Variants in FSHR observed in about 807,000 individuals in gnomAD.
The protein encoded by FSHR is follicle-stimulating hormone receptor.
FSHR carries 46 observed loss-of-function variants against 52.1 expected under a neutral mutation model. The observed-to-expected ratio is 0.88, with a 90% CI of 0.70 to 1.13. FSHR has a LOEUF of 1.13. Ranked by LOEUF, FSHR falls within the 50% of genes most tolerant of loss-of-function variation. The pLI is 0.00. For synonymous variants in FSHR, 399 were observed against 309.6 expected (o/e 1.29, Z -3.03); for missense variants, 964 against 834.6 (o/e 1.16, Z -1.91).
chr2:49,130,895 T>C (rs1447041099), intron 1 of FSHR, among the ~76,000 whole-genome samples: 1 of 152,168 alleles, frequency 6.6e-6, no homozygotes, highest in Admixed American at 6.6e-5. Flanking sequence ...GGGGCTGTTA[T>C]AGAGTTCAAA....
Position 48,962,316 on chromosome 2 carries a change from T to C in FSHR, c.*417A>G. The C allele has an allele frequency of 4.4e-6, 1 of 227,696 alleles. No homozygotes were observed. The highest frequency in any genetic ancestry group is 8.8e-6 in the Non-Finnish European group (1 of 114,232). 14.1% of individuals were successfully genotyped at this position (227,696 alleles called of 1,614,324 possible). A position where few individuals can be genotyped will look rare whatever the true frequency, so the allele number is the denominator to read the frequency against. On this transcript the variant is annotated 3_prime_UTR_variant, in exon 10 of 10. Coordinates refer to ENST00000406846, the MANE Select transcript of FSHR (RefSeq NM_000145.4). ...GAAATTCTCTGGGAGTCGGAATACC[T>C]AATCCTGGCTCTGCCTCTTACAAAC...
At chr2:49,059,415 G>GAAA (rs111343726) in intron 2 of FSHR, among the ~76,000 whole-genome samples, 7 of 146,774 alleles carry the variant, frequency 4.8e-5, no homozygotes, top group Admixed American at 2.0e-4. Context: ...GGTACTGGGG[G>GAAA]AAAAAAAAAA....
In FSHR at chr2:49,112,279, AT is replaced by A. The variant is rs562421477; in HGVS notation, c.152+41986del. On this transcript the variant is annotated intron_variant, in intron 1 of 9. Transcript: ENST00000406846. ...AGTGAAGTTGTGTAAGGGAAATGCC[AT>A]TTTTTTCCCTAGTAGAATACACAAA... Among the ~76,000 whole-genome samples, 136 of 152,214 alleles carry A rather than the reference AT, an allele frequency of 8.9e-4. No individual in the cohort carries two copies. In the South Asian group the frequency reaches 0.016, roughly 18 times the overall value.
At chr2:49,010,353 C>T (rs1667224223) in intron 4 of FSHR, among the ~76,000 whole-genome samples, 1 of 150,136 alleles carries the variant, frequency 6.7e-6, no homozygotes, top group African/African-American at 2.4e-5. Flanking sequence ...TATATTGAAC[C>T]AGCCTTGCAT....
chr2:49,074,720 C>G (rs974257329), intron 1 of FSHR, among the ~76,000 whole-genome samples: 1 of 152,162 alleles, frequency 6.6e-6, no homozygotes, highest in African/African-American at 2.4e-5. Context: ...GACATCTACA[C>G]TTCCATGTTT....
intron 1 of FSHR, among the ~76,000 whole-genome samples, chr2:49,088,164 A>G (rs1188517061): frequency 6.6e-6 from 1 of 152,216 alleles, no homozygotes; most frequent in Non-Finnish European, 1.5e-5. Context: ...CCCAAAGCCC[A>G]TGCGCACAAG....
chr2:48,995,593 C>T (rs1401109543), intron 4 of FSHR, among the ~76,000 whole-genome samples: 4 of 152,006 alleles, frequency 2.6e-5, no homozygotes, highest in African/African-American at 9.7e-5. Flanking sequence ...GTGTTAATTC[C>T]CCACTTATGG....
intron 1 of FSHR, among the ~76,000 whole-genome samples, chr2:49,091,955 A>G (rs890365194): frequency 6.6e-6 from 1 of 152,180 alleles, no homozygotes; most frequent in Non-Finnish European, 1.5e-5. Flanking sequence ...TAACCTACAG[A>G]TCAGTTTGAG....
intron 9 of FSHR, among the ~76,000 whole-genome samples, chr2:48,967,429 G>T (rs959773762): frequency 6.6e-6 from 1 of 152,118 alleles, no homozygotes; most frequent in Non-Finnish European, 1.5e-5. Context: ...CTCCTTTGGG[G>T]TATTCAGTCC....
chr2:49,114,074 C>G lies in FSHR; in HGVS notation c.152+40192G>C, dbSNP rs148695715. Among the ~76,000 whole-genome samples, 62 of 152,262 alleles carry G rather than the reference C, an allele frequency of 4.1e-4. 1 individual carries two copies. The highest frequency in any genetic ancestry group is 1.5e-3 in the African/African-American group (61 of 41,562). ...CTGGCAGGATGGTTATACTCCCAGCCTCTCTCACTGAAGACTTGCTTCCCA... is the reference window on the plus strand; with the variant it reads ...CTGGCAGGATGGTTATACTCCCAGCGTCTCTCACTGAAGACTTGCTTCCCA... On this transcript the variant is annotated intron_variant, in intron 1 of 9. Coordinates refer to ENST00000406846, the MANE Select transcript of FSHR (RefSeq NM_000145.4).
chr2:48,981,717 C>T (rs551361235), intron 8 of FSHR, among the ~76,000 whole-genome samples: 1 of 152,150 alleles, frequency 6.6e-6, no homozygotes, highest in South Asian at 2.1e-4. Context: ...AAAATTCTGA[C>T]TCTCCATACC....
intron 4 of FSHR, among the ~76,000 whole-genome samples, chr2:48,998,373 T>C (rs972898375): frequency 3.9e-5 from 6 of 152,136 alleles, no homozygotes; most frequent in Non-Finnish European, 5.9e-5. Flanking sequence ...GTGATGTATG[T>C]CATTATATAT....
intron 2 of FSHR, among the ~76,000 whole-genome samples, chr2:49,043,862 TA>T: frequency 6.6e-6 from 1 of 152,308 alleles, no homozygotes; most frequent in East Asian, 1.9e-4. Context: ...GTTTCATTAA[TA>T]TCCGCCACTC....
chr2:49,036,509 C>G (rs1403630538), intron 2 of FSHR, among the ~76,000 whole-genome samples: 1 of 149,840 alleles, frequency 6.7e-6, no homozygotes, highest in Non-Finnish European at 1.5e-5. Context: ...ATATCTATAT[C>G]TATATCTATA....
chr2:48,980,513 G>A (rs528280200), intron 8 of FSHR, among the ~76,000 whole-genome samples: 17 of 152,198 alleles, frequency 1.1e-4, no homozygotes, highest in Admixed American at 4.6e-4. Context: ...CAGTATCTTC[G>A]CCTGGAATCT....
chr2:48,994,656 C>T (rs1401501319), intron 4 of FSHR, among the ~76,000 whole-genome samples: 1 of 152,006 alleles, frequency 6.6e-6, no homozygotes, highest in Non-Finnish European at 1.5e-5. Flanking sequence ...AGTGGGTAAT[C>T]AGCTAGGAAC....
chr2:49,127,192 G>T (rs1182071843), intron 1 of FSHR, among the ~76,000 whole-genome samples: 2 of 152,056 alleles, frequency 1.3e-5, no homozygotes, highest in Admixed American at 1.3e-4. Context: ...GCTGGGCGTG[G>T]TGGTGTGCAC....
chr2:49,095,506 C>A (rs553940426), intron 1 of FSHR, among the ~76,000 whole-genome samples: 1 of 152,114 alleles, frequency 6.6e-6, no homozygotes, highest in Non-Finnish European at 1.5e-5. Context: ...ATTGTAAGAG[C>A]TAAAACTATA....
intron 1 of FSHR, among the ~76,000 whole-genome samples, chr2:49,126,618 G>A (rs142265345): frequency 1.3e-4 from 20 of 152,268 alleles, no homozygotes; most frequent in Non-Finnish European, 2.2e-4. Flanking sequence ...GTAATTTTCA[G>A]GGCTCAAGTT....
Sources: allele counts gnomAD v4.1 joint callset (sites outside exome capture counted in the v4.1 genomes callset), GRCh38; gene constraint gnomAD v4.1.1; transcripts MANE v1.5; gene names NCBI Gene and HGNC (gene_info 2026-07-23, HGNC 2026-07-21).